Variants in FMNL2 observed in about 807,000 individuals in gnomAD.
FMNL2 encodes the protein formin like 2, also known as formin-like protein 2.
FMNL2 carries 51 observed loss-of-function variants against 130.2 expected under a neutral mutation model. That is an observed-to-expected ratio of 0.39 (90% CI 0.31 to 0.49). The LOEUF (loss-of-function observed/expected upper bound fraction) is 0.49. FMNL2 is among the 20% of genes least tolerant of loss of function. The pLI, the probability that FMNL2 is intolerant of heterozygous loss-of-function variation, is 0.85. For missense variants in FMNL2, 977 were observed against 1,316.2 expected (o/e 0.74, Z 3.99); for synonymous variants, 465 against 467.1 (o/e 1.00, Z 0.06).
chr2:152,478,250 A>ATATAT (rs1269557250), intron 1 of FMNL2, among the ~76,000 whole-genome samples: 1 of 92,134 alleles, frequency 1.1e-5, no homozygotes, highest in South Asian at 4.1e-4. Context: ...ATATATATAT[A>ATATAT]TTTTTTTTTT....
chr2:152,523,577 A>G (rs1693223358), intron 2 of FMNL2, among the ~76,000 whole-genome samples: 2 of 152,212 alleles, frequency 1.3e-5, no homozygotes, highest in South Asian at 4.1e-4. Context: ...TCTTGCATTG[A>G]TAACTAAACT....
rs1464132971 is a variant in FMNL2, at chr2:152,614,740, C to CACAAAACAAAACAAA, written c.1063-111_1063-110insACAAAACAAAACAAA. 59 of 723,974 alleles carry CACAAAACAAAACAAA rather than the reference C, an allele frequency of 8.1e-5. 1 individual carries two copies. Among genetic ancestry groups the CACAAAACAAAACAAA allele is most frequent in the Middle Eastern group, 9.0e-4 (2 of 2,234 alleles). 44.8% of individuals were successfully genotyped at this position (723,974 alleles called of 1,614,324 possible). A position where few individuals can be genotyped will look rare whatever the true frequency, so the allele number is the denominator to read the frequency against. ...CCTGGGTGACAGAGTGAAACTCCAT[C>CACAAAACAAAACAAA]TCAAAACAAAACAAAACAAAACAAA... On this transcript the variant is annotated intron_variant, in intron 11 of 25. Transcript: ENST00000288670.
At chr2:152,341,206 C>G (rs756379017) in intron 1 of FMNL2, among the ~76,000 whole-genome samples, 3 of 152,258 alleles carry the variant, frequency 2.0e-5, no homozygotes, top group Non-Finnish European at 4.4e-5. Context: ...AGTGTTGGCA[C>G]TTTGAACCAT....
intron 1 of FMNL2, among the ~76,000 whole-genome samples, chr2:152,386,484 C>G (rs1264333551): frequency 2.0e-5 from 3 of 149,490 alleles, no homozygotes; most frequent in Non-Finnish European, 4.4e-5. Flanking sequence ...GGAGTCAGTG[C>G]CTGTGGTAAG....
intron 4 of FMNL2, among the ~76,000 whole-genome samples, chr2:152,557,281 T>A (rs1362868296): frequency 1.3e-5 from 2 of 152,172 alleles, no homozygotes; most frequent in East Asian, 3.8e-4. Context: ...TTTGTCTAGG[T>A]CTCATAACAA....
chr2:152,389,495 G>C (rs1684977904), intron 1 of FMNL2, among the ~76,000 whole-genome samples: 1 of 152,200 alleles, frequency 6.6e-6, no homozygotes. Flanking sequence ...GACACATTCA[G>C]TTTATGGCAG....
intron 9 of FMNL2, among the ~76,000 whole-genome samples, chr2:152,597,341 C>T (rs1697823716): frequency 6.6e-6 from 1 of 152,214 alleles, no homozygotes; most frequent in African/African-American, 2.4e-5. Flanking sequence ...GCTAGTTCAT[C>T]TTGCAACTGA....
chr2:152,538,558 G>C (rs1694133144), intron 2 of FMNL2, among the ~76,000 whole-genome samples: 1 of 152,174 alleles, frequency 6.6e-6, no homozygotes, highest in Non-Finnish European at 1.5e-5. Context: ...GGGATTACAG[G>C]CGTGAGCCAC....
intron 1 of FMNL2, among the ~76,000 whole-genome samples, chr2:152,336,982 T>G (rs1047573597): frequency 6.6e-6 from 1 of 152,162 alleles, no homozygotes; most frequent in Admixed American, 6.5e-5. Flanking sequence ...CTACAGGACG[T>G]TCAAATTGCC....
chr2:152,596,936 A>G (rs1015356169), intron 9 of FMNL2, among the ~76,000 whole-genome samples: 4 of 152,262 alleles, frequency 2.6e-5, no homozygotes, highest in African/African-American at 9.6e-5. Context: ...AACTTTTTCC[A>G]TACTGTTGCA....
chr2:152,624,667 GTCT>G (rs1356101565), intron 15 of FMNL2, among the ~76,000 whole-genome samples: 1 of 152,042 alleles, frequency 6.6e-6, no homozygotes, highest in Admixed American at 6.6e-5. Flanking sequence ...GTGAAACTCT[GTCT>G]CTACAATAAA....
chr2:152,410,263 G>A (rs972491216), intron 1 of FMNL2, among the ~76,000 whole-genome samples: 2 of 152,196 alleles, frequency 1.3e-5, no homozygotes, highest in Non-Finnish European at 2.9e-5. Context: ...CAGCAGACCA[G>A]TACCTACTCC....
chr2:152,535,520 A>G (rs55914172), intron 2 of FMNL2, among the ~76,000 whole-genome samples: 25,996 of 152,202 alleles, frequency 0.17, 2,746 homozygotes, highest in Non-Finnish European at 0.25. Context: ...ATACTTTGCA[A>G]TTGAATTTAT....
At chr2:152,646,316 A>G (rs1030927980) in intron 25 of FMNL2, among the ~76,000 whole-genome samples, 2 of 142,818 alleles carry the variant, frequency 1.4e-5, no homozygotes, top group Non-Finnish European at 3.0e-5. Flanking sequence ...AGTGACAGAG[A>G]CTGTCCTCCC....
chr2:152,560,725 T>C (rs538241577), intron 5 of FMNL2, among the ~76,000 whole-genome samples, 158 bp from the exon 6 acceptor site: 1 of 152,360 alleles, frequency 6.6e-6, no homozygotes, highest in South Asian at 2.1e-4. Context: ...ACTGAGCCCA[T>C]AGAAATTCCA....
chr2:152,630,222 T>C (rs1682067639), intron 20 of FMNL2, among the ~76,000 whole-genome samples: 1 of 152,242 alleles, frequency 6.6e-6, no homozygotes, highest in Admixed American at 6.5e-5. Context: ...CACTAGTTAA[T>C]ACAGTGAACT....
chr2:152,364,350 C>T (rs1489923974), intron 1 of FMNL2, among the ~76,000 whole-genome samples: 1 of 130,758 alleles, frequency 7.6e-6, no homozygotes, highest in Non-Finnish European at 1.5e-5. Flanking sequence ...TTTTTATTTA[C>T]AGAGACCTAT....
chr2:152,526,052 A>G (rs1303785768), intron 2 of FMNL2, among the ~76,000 whole-genome samples: 1 of 152,230 alleles, frequency 6.6e-6, no homozygotes, highest in Admixed American at 6.5e-5. Flanking sequence ...TAAAACATTA[A>G]AGAGCAAATA....
At chr2:152,402,258 T>G (rs1259574004) in intron 1 of FMNL2, among the ~76,000 whole-genome samples, 6 of 152,170 alleles carry the variant, frequency 3.9e-5, no homozygotes, top group Non-Finnish European at 7.4e-5. Context: ...CTGTAAATAG[T>G]GGTGAAACAT....
Sources: allele counts gnomAD v4.1 joint callset (sites outside exome capture counted in the v4.1 genomes callset), GRCh38; gene constraint gnomAD v4.1.1; transcripts MANE v1.5; gene names NCBI Gene and HGNC (gene_info 2026-07-23, HGNC 2026-07-21).